KLRG1: variants seen among roughly 807,000 people sequenced by gnomAD.
The protein encoded by KLRG1 is killer cell lectin-like receptor subfamily G member 1.
In KLRG1, 16 loss-of-function variants were observed where a neutral mutation model predicts 21.8. That is an observed-to-expected ratio of 0.73 (90% CI 0.50 to 1.11). KLRG1 has a LOEUF of 1.11. KLRG1 is among the 50% of genes most tolerant of loss of function. The probability of loss-of-function intolerance (pLI) is 0.00; values close to 1 mark genes in which losing one functional copy is unlikely to be tolerated. For synonymous variants in KLRG1, 69 were observed against 75.9 expected (o/e 0.91, Z 0.47); for missense variants, 173 against 218.3 (o/e 0.79, Z 1.31).
the KLRG1 span, among the ~76,000 whole-genome samples, chr12:9,208,742 G>C: frequency 1.3e-5 from 2 of 152,162 alleles, no homozygotes. Context: ...ATGCATTGCA[G>C]ATTCATTTCT....
At chr12:9,070,804 G>T in the KLRG1 span, among the ~76,000 whole-genome samples, 3 of 150,484 alleles carry the variant, frequency 2.0e-5, no homozygotes, top group African/African-American at 7.4e-5. Context: ...AATGTCTAGT[G>T]TATGGGGGCT....
the KLRG1 span, among the ~76,000 whole-genome samples, chr12:9,020,253 A>G: frequency 6.6e-6 from 1 of 152,182 alleles, no homozygotes; most frequent in African/African-American, 2.4e-5. Flanking sequence ...TACAATTGAC[A>G]TACAATAAGT....
the KLRG1 span, chr12:9,135,454 A>G: frequency 1.1e-5 from 4 of 370,532 alleles, no homozygotes; most frequent in African/African-American, 6.7e-5. Context: ...TGTGTGCTGT[A>G]TGAAAGCCCC....
At chr12:9,192,570 T>A in the KLRG1 span, 39 of 1,614,086 alleles carry the variant, frequency 2.4e-5, no homozygotes, top group Middle Eastern at 1.6e-4. Context: ...CAGTGTATAG[T>A]GTGCCGTGAT....
At chr12:9,060,849 C>T in the KLRG1 span, among the ~76,000 whole-genome samples, 1 of 152,118 alleles carries the variant, frequency 6.6e-6, no homozygotes, top group South Asian at 2.1e-4. Context: ...CACGTGAAGA[C>T]TATCTTCACA....
At chr12:9,101,041 C>T in the KLRG1 span, 1 of 1,124,660 alleles carries the variant, frequency 8.9e-7, no homozygotes, top group East Asian at 2.6e-5. Context: ...CCTGTTCCCC[C>T]AAAAACCTAT....
At chr12:9,095,490 A>G in the KLRG1 span, 1 of 1,544,702 alleles carries the variant, frequency 6.5e-7, no homozygotes, top group Non-Finnish European at 8.9e-7. Context: ...TCCATGTGTA[A>G]TATTTTAAGA....
chr12:9,194,168 T>C, the KLRG1 span: 1 of 1,613,994 alleles, frequency 6.2e-7, no homozygotes, highest in Admixed American at 1.7e-5. Flanking sequence ...GGAGTAATAA[T>C]TGGCGTCATT....
chr12:9,122,810 G>A, the KLRG1 span, among the ~76,000 whole-genome samples: 47 of 151,990 alleles, frequency 3.1e-4, no homozygotes, highest in African/African-American at 8.9e-4. Context: ...TTATACATAC[G>A]TACTCTCATT....
the KLRG1 span, among the ~76,000 whole-genome samples, chr12:9,205,274 C>G: frequency 6.6e-6 from 1 of 152,104 alleles, no homozygotes; most frequent in Non-Finnish European, 1.5e-5. Context: ...TAATGCCCCC[C>G]ACTCCATATT....
chr12:9,007,296 C>T (rs143849033), intron 3 of KLRG1, among the ~76,000 whole-genome samples: 26 of 152,238 alleles, frequency 1.7e-4, no homozygotes, highest in African/African-American at 6.0e-4. Context: ...AGCCTCACTC[C>T]GTCACCCAGG....
At chr12:9,194,077 C>A in the KLRG1 span, 1 of 1,611,464 alleles carries the variant, frequency 6.2e-7, no homozygotes, top group South Asian at 1.1e-5. Context: ...CTATACTTAC[C>A]CGGACAAAAA....
chr12:9,043,928 C>G, the KLRG1 span, among the ~76,000 whole-genome samples: 35,395 of 152,108 alleles, frequency 0.23, 4,823 homozygotes, highest in East Asian at 0.32. Context: ...AGAGAGAGAA[C>G]AAGCAGTCTC....
chr12:8,989,762 A>G (rs756241920), intron 1 of KLRG1, 45 bp downstream of exon 1: 2 of 1,063,774 alleles, frequency 1.9e-6, no homozygotes, highest in Non-Finnish European at 2.9e-6. Context: ...TAGCAACAGT[A>G]GGCTATGGAT....
chr12:9,125,557 G>GA, the KLRG1 span, among the ~76,000 whole-genome samples: 10 of 152,236 alleles, frequency 6.6e-5, no homozygotes, highest in East Asian at 1.7e-3. Context: ...TTCAATTGAC[G>GA]AAAAATTATG....
At chr12:9,124,899 G>A in the KLRG1 span, among the ~76,000 whole-genome samples, 5 of 152,228 alleles carry the variant, frequency 3.3e-5, no homozygotes, top group Non-Finnish European at 7.3e-5. Flanking sequence ...AGGACTTGTG[G>A]TGCCTCCTTT....
At chr12:9,013,724 G>A (rs1012345032), downstream of KLRG1, among the ~76,000 whole-genome samples, 2 of 152,030 alleles carry the variant, frequency 1.3e-5, no homozygotes, top group Non-Finnish European at 2.9e-5. Context: ...GCATGGGAAA[G>A]ACCCACCCCC....
intron 3 of KLRG1, among the ~76,000 whole-genome samples, chr12:9,003,316 CTT>C (rs936514804): frequency 6.6e-6 from 1 of 152,002 alleles, no homozygotes; most frequent in Non-Finnish European, 1.5e-5. Context: ...GGGAATCACT[CTT>C]TTTTTCCTTT....
chr12:9,149,502 G>A, the KLRG1 span: 1 of 1,471,964 alleles, frequency 6.8e-7, no homozygotes, highest in South Asian at 1.3e-5. Context: ...TAAATTGCAG[G>A]GGCCCTTGGA....
Sources: allele counts gnomAD v4.1 joint callset (sites outside exome capture counted in the v4.1 genomes callset), GRCh38; gene constraint gnomAD v4.1.1; transcripts MANE v1.5; gene names NCBI Gene and HGNC (gene_info 2026-07-23, HGNC 2026-07-21).